The following KIAA0319L variants were observed in gnomAD, a reference collection of about 807,000 sequenced individuals.
KIAA0319L encodes the protein KIAA0319 like, also known as dyslexia-associated protein KIAA0319-like protein.
KIAA0319L carries 55 observed loss-of-function variants against 120.1 expected under a neutral mutation model. That is an observed-to-expected ratio of 0.46 (90% CI 0.37 to 0.57). The LOEUF (loss-of-function observed/expected upper bound fraction) is 0.57, where lower values mean the gene tolerates loss of function less well. Among genes scored for constraint, KIAA0319L ranks in the 20% least tolerant of loss-of-function variants. The pLI is 0.00. For missense variants in KIAA0319L, 1,049 were observed against 1,255.3 expected (o/e 0.84, Z 2.48); for synonymous variants, 398 against 471.9 (o/e 0.84, Z 2.03).
chr1:35,450,275 C>T, intron 14 of KIAA0319L, 83 bp downstream of exon 14: 1 of 1,398,650 alleles, frequency 7.1e-7, no homozygotes, highest in Non-Finnish European at 9.8e-7. Flanking sequence ...TATAAGGGAC[C>T]ACTTGATTAA....
chr1:35,522,176 T>C lies in KIAA0319L; in HGVS notation c.143-15041A>G, dbSNP rs950484862. On this transcript the variant is annotated intron_variant, in intron 2 of 20. Transcript: ENST00000325722. Reference sequence around the variant, plus strand: ...TATATATATATGCACATATAGGCTATTTTTGGAAGAATATTCATGAAACTT... The same window carrying C: ...TATATATATATGCACATATAGGCTACTTTTGGAAGAATATTCATGAAACTT... Among the ~76,000 whole-genome samples, 5 of 152,238 alleles carry C rather than the reference T, an allele frequency of 3.3e-5. No homozygotes were observed. In the East Asian group the frequency reaches 9.6e-4, roughly 29 times the overall value.
At chr1:35,522,148 AAAT>A (rs1645947693) in intron 2 of KIAA0319L, among the ~76,000 whole-genome samples, 1 of 152,188 alleles carries the variant, frequency 6.6e-6, no homozygotes, top group African/African-American at 2.4e-5. Flanking sequence ...AGGGGGGAGA[AAAT>A]ATATATATAT....
At chr1:35,448,571 C>T (rs1641814652) in intron 15 of KIAA0319L, among the ~76,000 whole-genome samples, 1 of 152,100 alleles carries the variant, frequency 6.6e-6, no homozygotes, top group Non-Finnish European at 1.5e-5. Context: ...GGGGATAAGG[C>T]TGAAGCAGTG....
chr1:35,453,976 G>A lies in KIAA0319L; in HGVS notation c.1781-287C>T, dbSNP rs563821542. On this transcript the variant is annotated intron_variant, in intron 11 of 20. Transcript: ENST00000325722. The surrounding 1 kb of genome is among the most constrained non-coding windows in gnomAD (Gnocchi z 4.1). ...TCAAATGAAAGGATTTGAGTGACAA[G>A]ACAGGGCTGTCCTGAGGAAGTCAGT... Among the ~76,000 whole-genome samples the A allele has an allele frequency of 2.0e-5, 3 of 152,348 alleles. No homozygotes were observed. Among genetic ancestry groups the A allele is most frequent in the African/African-American group, 7.2e-5 (3 of 41,580 alleles).
At chr1:35,489,333 G>A (rs1383883041) in intron 3 of KIAA0319L, among the ~76,000 whole-genome samples, 8 of 152,094 alleles carry the variant, frequency 5.3e-5, no homozygotes, top group Non-Finnish European at 1.0e-4. Context: ...AAACAATGGC[G>A]TTCAAGACAC....
chr1:35,473,827 G>C (rs968459456), intron 5 of KIAA0319L, among the ~76,000 whole-genome samples: 6 of 152,174 alleles, frequency 3.9e-5, no homozygotes, highest in African/African-American at 1.4e-4. Flanking sequence ...AAATAGGGAA[G>C]GACATTCTAC....
chr1:35,532,148 C>T (rs1646393303), intron 2 of KIAA0319L, among the ~76,000 whole-genome samples: 2 of 150,554 alleles, frequency 1.3e-5, no homozygotes, highest in African/African-American at 4.9e-5. Flanking sequence ...GTAGCTGAGG[C>T]AGGAGAATCA....
At chr1:35,441,973 C>T (rs1641257578) in intron 19 of KIAA0319L, among the ~76,000 whole-genome samples, 1 of 152,160 alleles carries the variant, frequency 6.6e-6, no homozygotes, top group Non-Finnish European at 1.5e-5. Flanking sequence ...CCCTCACGCT[C>T]ACTCCCCCAC....
At chr1:35,503,587 C>G (rs769182070) in intron 3 of KIAA0319L, among the ~76,000 whole-genome samples, 39 of 152,188 alleles carry the variant, frequency 2.6e-4, no homozygotes, top group Non-Finnish European at 3.7e-4. Context: ...AACCACAGCT[C>G]TAAGGGATTA....
chr1:35,493,115 C>G (rs150698863), intron 3 of KIAA0319L, among the ~76,000 whole-genome samples: 170 of 152,204 alleles, frequency 1.1e-3, no homozygotes, highest in Non-Finnish European at 1.7e-3. Context: ...TATTTATAGA[C>G]AACATGATTA....
chr1:35,477,407 C>T (rs755673245), intron 4 of KIAA0319L, among the ~76,000 whole-genome samples: 2 of 152,298 alleles, frequency 1.3e-5, no homozygotes, highest in South Asian at 2.1e-4. Flanking sequence ...GTGGCTCACG[C>T]CTGTAATCCC....
chr1:35,484,808 T>TATATA (rs1644319413), intron 3 of KIAA0319L, among the ~76,000 whole-genome samples: 4 of 108,948 alleles, frequency 3.7e-5, no homozygotes, highest in Non-Finnish European at 3.4e-5. Context: ...ATATATATAT[T>TATATA]TTTTTTTTTA....
At chr1:35,512,280 TAAATA>T (rs1259346754) in intron 2 of KIAA0319L, among the ~76,000 whole-genome samples, 1 of 78,402 alleles carries the variant, frequency 1.3e-5, no homozygotes, top group Middle Eastern at 8.2e-3. Context: ...AAAAAATAAA[TAAATA>T]AAATAAAATA....
At chr1:35,441,635 TG>T (rs1570607206) in intron 19 of KIAA0319L, among the ~76,000 whole-genome samples, 1 of 152,182 alleles carries the variant, frequency 6.6e-6, no homozygotes, top group East Asian at 1.9e-4. Context: ...ATCTGTAAAA[TG>T]GGAAAAGGTT....
intron 2 of KIAA0319L, chr1:35,533,185 A>C (rs1646438444): frequency 6.6e-6 from 1 of 152,224 alleles, no homozygotes; most frequent in Admixed American, 6.5e-5. Context: ...ATCTCAGGTA[A>C]TAAGCTTGGC....
intron 18 of KIAA0319L, 144 bp downstream of exon 18, chr1:35,442,762 G>A: frequency 3.1e-6 from 3 of 974,688 alleles, no homozygotes; most frequent in South Asian, 1.6e-5. Flanking sequence ...GAGGAAGGAA[G>A]TAAAAGTCCT....
At chr1:35,523,185 T>A (rs1645995320) in intron 2 of KIAA0319L, among the ~76,000 whole-genome samples, 1 of 152,058 alleles carries the variant, frequency 6.6e-6, no homozygotes, top group Non-Finnish European at 1.5e-5. Context: ...ACATGCTGCC[T>A]CCTCTACCTA....
At position 35,479,208 on chromosome 1, in the gene KIAA0319L, T is replaced by C. The variant is rs1349210943; in HGVS notation, c.671A>G (p.His224Arg). ...GGGACTGGAAATTGTAATCGCCTTG[T>C]GGACCTAAAGAAATAAAAAAACTAA... ...GLTTSGSAEV[H>R]KAITISSPLT... The change falls in exon 4 of 21, where the codon CAC (histidine) becomes CGC (arginine). Residue 224 changes from histidine (H) to arginine (R), a missense_variant. By Grantham distance (29) the His-to-Arg change is conservative. Coordinates refer to ENST00000325722, the MANE Select transcript of KIAA0319L (RefSeq NM_024874.5). The C allele has an allele frequency of 1.2e-6, 2 of 1,612,382 alleles. No homozygotes were observed. Among genetic ancestry groups the C allele is most frequent in the Non-Finnish European group, 1.7e-6 (2 of 1,178,640 alleles).
intron 2 of KIAA0319L, among the ~76,000 whole-genome samples, chr1:35,515,957 T>C (rs917550633): frequency 2.0e-5 from 3 of 152,116 alleles, no homozygotes; most frequent in Non-Finnish European, 2.9e-5. Context: ...CTGGAAGAGA[T>C]GGATAAATTC....
Sources: allele counts gnomAD v4.1 joint callset (sites outside exome capture counted in the v4.1 genomes callset), GRCh38; gene constraint gnomAD v4.1.1; non-coding constraint Gnocchi (gnomAD v3.1); transcripts MANE v1.5; gene names NCBI Gene and HGNC (gene_info 2026-07-23, HGNC 2026-07-21).